Variants in CYP7B1 observed in about 807,000 individuals in gnomAD.
CYP7B1 encodes the protein cytochrome P450 family 7 subfamily B member 1.
A neutral mutation model predicts 42.7 loss-of-function variants in CYP7B1; 29 were observed. That is an observed-to-expected ratio of 0.68 (90% CI 0.51 to 0.93). The LOEUF (loss-of-function observed/expected upper bound fraction) is 0.93, where lower values mean the gene tolerates loss of function less well. Among genes scored for constraint, CYP7B1 ranks in the 40% least tolerant of loss-of-function variants. The pLI is 0.00. For synonymous variants in CYP7B1, 235 were observed against 218.2 expected, an observed-to-expected ratio of 1.08 and a Z score of -0.68; for missense variants, 655 against 600.5, an observed-to-expected ratio of 1.09 and a Z score of -0.95.
chr8:64,787,336 C>T (rs1804544491), intron 1 of CYP7B1, among the ~76,000 whole-genome samples: 2 of 152,330 alleles, frequency 1.3e-5, no homozygotes, highest in South Asian at 4.1e-4. Flanking sequence ...ATTTCTTCCA[C>T]CAGATACCCT....
At chr8:64,636,072 G>T (rs925170333) in intron 1 of CYP7B1, among the ~76,000 whole-genome samples, 1 of 152,172 alleles carries the variant, frequency 6.6e-6, no homozygotes, top group Non-Finnish European at 1.5e-5. Flanking sequence ...AAACTTAATT[G>T]AGTTTCGAGC....
chr8:64,667,463 T>C (rs1351365769), intron 1 of CYP7B1, among the ~76,000 whole-genome samples: 1 of 152,184 alleles, frequency 6.6e-6, no homozygotes, highest in Non-Finnish European at 1.5e-5. Context: ...AATTTCCTAA[T>C]GCTCCCTGGA....
intron 1 of CYP7B1, among the ~76,000 whole-genome samples, chr8:64,708,243 C>CCTAA (rs1397862645): frequency 6.6e-6 from 1 of 152,078 alleles, no homozygotes; most frequent in Non-Finnish European, 1.5e-5. Flanking sequence ...AGGATGGTTT[C>CCTAA]AGTGAAAATC....
chr8:64,720,814 A>G (rs1344982510), intron 1 of CYP7B1, among the ~76,000 whole-genome samples: 2 of 152,134 alleles, frequency 1.3e-5, no homozygotes, highest in Non-Finnish European at 2.9e-5. Context: ...AAAATTAATA[A>G]CTAGCATAAT....
chr8:64,590,134 T>A (rs984362354), downstream of CYP7B1, among the ~76,000 whole-genome samples: 2 of 152,222 alleles, frequency 1.3e-5, no homozygotes, highest in African/African-American at 4.8e-5. Flanking sequence ...ATTTCACAGT[T>A]TATCTATTTA....
chr8:64,746,986 T>C (rs979063475), intron 1 of CYP7B1, among the ~76,000 whole-genome samples: 1 of 151,638 alleles, frequency 6.6e-6, no homozygotes, highest in Non-Finnish European at 1.5e-5. Flanking sequence ...ATAAATTCTA[T>C]GTTATTGACT....
intron 1 of CYP7B1, among the ~76,000 whole-genome samples, chr8:64,700,053 G>A (rs999690188): frequency 6.6e-6 from 1 of 152,142 alleles, no homozygotes; most frequent in African/African-American, 2.4e-5. Context: ...GTGACCTTGT[G>A]AGGACAAAAC....
intron 1 of CYP7B1, among the ~76,000 whole-genome samples, chr8:64,634,910 G>T (rs1805748268): frequency 6.6e-6 from 1 of 152,170 alleles, no homozygotes; most frequent in Non-Finnish European, 1.5e-5. Flanking sequence ...GTGTCCAGGT[G>T]ACATGCAAAT....
chr8:64,708,285 A>G (rs1457555080), intron 1 of CYP7B1, among the ~76,000 whole-genome samples: 1 of 152,180 alleles, frequency 6.6e-6, no homozygotes, highest in Non-Finnish European at 1.5e-5. Context: ...AAGTTCAATG[A>G]CATCCCCTTC....
chr8:64,621,782 C>G (rs1805533966), intron 2 of CYP7B1, among the ~76,000 whole-genome samples: 1 of 146,374 alleles, frequency 6.8e-6, no homozygotes, highest in African/African-American at 2.5e-5. Context: ...TGTCAACAGG[C>G]TGGAGTGCAG....
Position 64,793,436 on chromosome 8 carries a change from T to A in CYP7B1, c.122+5030A>T, listed in dbSNP as rs1804654082. ...GGAAAGAATGGAGACATCTTTGTTTTCATGTTTGTCTTTTGCAATGTAGAT... is the reference window on the plus strand; with the variant it reads ...GGAAAGAATGGAGACATCTTTGTTTACATGTTTGTCTTTTGCAATGTAGAT... On this transcript the variant is annotated intron_variant, in intron 1 of 5. Transcript: ENST00000310193. Among the ~76,000 whole-genome samples, 3 of 152,326 alleles carry A rather than the reference T, an allele frequency of 2.0e-5. No individual in the cohort carries two copies. In the South Asian group the frequency reaches 6.2e-4, roughly 32 times the overall value.
Position 64,643,190 on chromosome 8 carries a change from T to TACACAC in CYP7B1, c.123-18652_123-18651insGTGTGT, listed in dbSNP as rs569231274. Among the ~76,000 whole-genome samples, 230 of 83,638 alleles carry TACACAC rather than the reference T, an allele frequency of 2.7e-3. 3 individuals carry two copies. Among genetic ancestry groups the TACACAC allele is most frequent in the South Asian group, 0.025 (76 of 2,992 alleles). 54.9% of individuals were successfully genotyped at this position (83,638 alleles called of 152,430 possible). ...ATATATACATATATATACATATATA[T>TACACAC]ATACACACACACACACACACACATA... On this transcript the variant is annotated intron_variant, in intron 1 of 5. Coordinates refer to ENST00000310193, the MANE Select transcript of CYP7B1 (RefSeq NM_004820.5).
rs1344007312 is a variant in CYP7B1 at position 64,592,459 on chromosome 8, T to C, written c.*4183A>G. Among the ~76,000 whole-genome samples the C allele has an allele frequency of 6.6e-6, 1 of 152,220 alleles. No individual in the cohort carries two copies. Among genetic ancestry groups the C allele is most frequent in the East Asian group, 1.9e-4 (1 of 5,196 alleles). On this transcript the variant is annotated 3_prime_UTR_variant, in exon 6 of 6. Transcript: ENST00000310193. ...TACAACTGCATTTATAATAAATTAG[T>C]TGCCTACGTATTGTTTTCCCTAACA...
chr8:64,696,430 A>G (rs1806829268), intron 1 of CYP7B1, among the ~76,000 whole-genome samples: 1 of 152,210 alleles, frequency 6.6e-6, no homozygotes, highest in Non-Finnish European at 1.5e-5. Flanking sequence ...TGCAAAGCAA[A>G]AAATCAGATA....
intron 1 of CYP7B1, among the ~76,000 whole-genome samples, chr8:64,662,085 T>C (rs550760855): frequency 2.0e-5 from 3 of 151,350 alleles, no homozygotes; most frequent in Non-Finnish European, 4.4e-5. Flanking sequence ...GCTTTCAACT[T>C]TACCCCTATA....
Position 64,793,770 on chromosome 8 carries a change from T to G in CYP7B1, c.122+4696A>C, listed in dbSNP as rs1441945774. Among the ~76,000 whole-genome samples, 3 of 152,084 alleles carry G rather than the reference T, an allele frequency of 2.0e-5. No homozygotes were observed. The East Asian group carries it at 5.8e-4, about 29-fold the overall frequency. ...TTTTAAATGTATTATTCTTTCTGTT[T>G]GTAAAAGAATACATATTTATTGATA... On this transcript the variant is annotated intron_variant, in intron 1 of 5. Transcript: ENST00000310193.
At chr8:64,669,364 C>G (rs1374803624) in intron 1 of CYP7B1, among the ~76,000 whole-genome samples, 3 of 152,036 alleles carry the variant, frequency 2.0e-5, no homozygotes, top group Non-Finnish European at 4.4e-5. Context: ...GCCTCCCCCT[C>G]CATGTATGTA....
intron 1 of CYP7B1, among the ~76,000 whole-genome samples, 153 bp downstream of exon 1, chr8:64,798,313 G>A (rs1013204347): frequency 2.0e-5 from 3 of 152,246 alleles, no homozygotes; most frequent in Non-Finnish European, 4.4e-5. Context: ...AGAAGCCTTT[G>A]TTATTACAAA....
intron 1 of CYP7B1, among the ~76,000 whole-genome samples, chr8:64,628,372 G>C (rs574011608): frequency 5.9e-5 from 9 of 152,180 alleles, no homozygotes; most frequent in Non-Finnish European, 1.2e-4. Flanking sequence ...TTGGAGACGG[G>C]GAGTGGTGGT....
Sources: allele counts gnomAD v4.1 joint callset (sites outside exome capture counted in the v4.1 genomes callset), GRCh38; gene constraint gnomAD v4.1.1; transcripts MANE v1.5; gene names NCBI Gene and HGNC (gene_info 2026-07-23, HGNC 2026-07-21).